SMIM41: variants seen among roughly 807,000 people sequenced by gnomAD.
The protein encoded by SMIM41 is small integral membrane protein 41.
chr12:52,105,837 G>C (rs1220895894), intron 2 of SMIM41, among the ~76,000 whole-genome samples: 1 of 152,156 alleles, frequency 6.6e-6, no homozygotes, highest in East Asian at 1.9e-4. Flanking sequence ...CTGGGACTTA[G>C]AGTCTGGCCA....
intron 2 of SMIM41, among the ~76,000 whole-genome samples, chr12:52,106,279 T>A (rs1940337293): frequency 6.6e-6 from 1 of 152,234 alleles, no homozygotes; most frequent in Non-Finnish European, 1.5e-5. Context: ...AATTATTGAA[T>A]TGACACTTCC....
rs1270540260 is a variant in SMIM41, at chr12:52,083,926, GAGA to G, written c.*160_*162del. 1.3e-5 allele frequency: 2 copies of G among 151,568 alleles called. No individual in the cohort carries two copies. Among genetic ancestry groups the G allele is most frequent in the East Asian group, 1.9e-4 (1 of 5,200 alleles). The allele number at this position is 151,568 out of a possible 1,614,324, so 9.4% of individuals were successfully genotyped here. On this transcript the variant is annotated 3_prime_UTR_variant, in exon 2 of 3. Coordinates refer to ENST00000546390, the MANE Select transcript of SMIM41 (RefSeq NM_001369216.1). ...AAGAAGAGAAGAGGAGAGGAGAGAA[GAGA>G]AGAAGAGAGGAGAGAAGAGAAGAGG...
intron 2 of SMIM41, among the ~76,000 whole-genome samples, chr12:52,086,770 C>T (rs571200974): frequency 1.3e-5 from 2 of 152,360 alleles, no homozygotes; most frequent in East Asian, 3.9e-4. Flanking sequence ...ACCTCTTTTA[C>T]CTCTGCTTCC....
intron 2 of SMIM41, among the ~76,000 whole-genome samples, chr12:52,103,282 G>T (rs753773054): frequency 7.4e-5 from 11 of 149,542 alleles, no homozygotes; most frequent in Non-Finnish European, 1.5e-4. Context: ...AGCCCAGATT[G>T]TGCCACTGCA....
intron 2 of SMIM41, among the ~76,000 whole-genome samples, chr12:52,093,088 C>T (rs1351105418): frequency 6.6e-6 from 1 of 152,112 alleles, no homozygotes; most frequent in African/African-American, 2.4e-5. Flanking sequence ...GTCCCAGCTA[C>T]TCGAGAGGTT....
rs1417740133 is a variant in SMIM41 at position 52,095,320 on chromosome 12, G to T, written c.*195+11352G>T. The stretch of plus-strand genomic sequence containing the variant: ...ATATTACGATCCACATCGCAGGGGG[G>T]CGGGCGCCCCCCGCGATTCGGGGAG... On this transcript the variant is annotated intron_variant, in intron 2 of 2. Coordinates refer to ENST00000546390, the MANE Select transcript of SMIM41 (RefSeq NM_001369216.1). Among the ~76,000 whole-genome samples the T allele has an allele frequency of 2.7e-5, 4 of 150,312 alleles. No individual in the cohort carries two copies. In the East Asian group the frequency reaches 7.9e-4, roughly 30 times the overall value.
chr12:52,089,375 A>G (rs1939944929), intron 2 of SMIM41, among the ~76,000 whole-genome samples: 1 of 152,032 alleles, frequency 6.6e-6, no homozygotes, highest in Non-Finnish European at 1.5e-5. Context: ...TAGGAGGATC[A>G]CTTGAGTGCA....
At chr12:52,089,741 C>A (rs1939963343) in intron 2 of SMIM41, among the ~76,000 whole-genome samples, 1 of 152,262 alleles carries the variant, frequency 6.6e-6, no homozygotes, top group Non-Finnish European at 1.5e-5. Flanking sequence ...CACAGCCCAG[C>A]TCTGTCCCAT....
At chr12:52,097,130 A>G (rs1184398767) in intron 2 of SMIM41, among the ~76,000 whole-genome samples, 4 of 152,150 alleles carry the variant, frequency 2.6e-5, no homozygotes, top group Middle Eastern at 3.4e-3. Flanking sequence ...GACTCACACT[A>G]TGGCAGGGGG....
At chr12:52,096,687 G>A (rs7303732) in intron 2 of SMIM41, among the ~76,000 whole-genome samples, 19,560 of 151,388 alleles carry the variant, frequency 0.13, 2,906 homozygotes, top group African/African-American at 0.37. Flanking sequence ...TATTGTTATC[G>A]TCAGTATAAC....
At chr12:52,091,798 T>G (rs1940009012) in intron 2 of SMIM41, among the ~76,000 whole-genome samples, 1 of 152,182 alleles carries the variant, frequency 6.6e-6, no homozygotes, top group African/African-American at 2.4e-5. Context: ...GGAGGCACAT[T>G]GGAGTTGGTC....
At chr12:52,083,209 C>T (rs182686023) in intron 1 of SMIM41, among the ~76,000 whole-genome samples, 20 of 152,286 alleles carry the variant, frequency 1.3e-4, no homozygotes, top group Admixed American at 2.6e-4. Context: ...ATGAGTGCAG[C>T]GCCTGTACTG....
chr12:52,104,675 G>T (rs1046693083), intron 2 of SMIM41, among the ~76,000 whole-genome samples: 2 of 111,370 alleles, frequency 1.8e-5, no homozygotes, highest in South Asian at 2.4e-4. Context: ...GTTATGGTCG[G>T]GGGGGGGCGG....
rs556791760 is a variant in SMIM41, at chr12:52,092,955, G to A, written c.*195+8987G>A. Among the ~76,000 whole-genome samples, 12 of 152,292 alleles carry A rather than the reference G, an allele frequency of 7.9e-5. No homozygotes were observed. The East Asian group carries it at 2.3e-3, about 29-fold the overall frequency. ...CCAGCACTTTGGTAGGTCGAGGCGGGCAGATCACGAGGTCAGGATATCGAG... is the reference window on the plus strand; with the variant it reads ...CCAGCACTTTGGTAGGTCGAGGCGGACAGATCACGAGGTCAGGATATCGAG... On this transcript the variant is annotated intron_variant, in intron 2 of 2. Transcript: ENST00000546390.
chr12:52,108,077 T>G lies in SMIM41; in HGVS notation c.*894T>G, dbSNP rs556041680. ...CCACCTGTGGGTCTCACCTGTCAGT[T>G]GTTTGCTGATTTTATGGAAGAGGTG... On this transcript the variant is annotated 3_prime_UTR_variant, in exon 3 of 3. Transcript: ENST00000546390. 1 of 216,524 alleles carries G rather than the reference T, an allele frequency of 4.6e-6. No individual in the cohort carries two copies. Among genetic ancestry groups the G allele is most frequent in the Non-Finnish European group, 9.3e-6 (1 of 108,046 alleles). 13.4% of individuals were successfully genotyped at this position (216,524 alleles called of 1,614,324 possible).
chr12:52,093,940 G>A (rs972028136), intron 2 of SMIM41, among the ~76,000 whole-genome samples: 7 of 151,988 alleles, frequency 4.6e-5, no homozygotes, highest in Admixed American at 1.3e-4. Context: ...AGAACAGCCT[G>A]GCCAACATGG....
chr12:52,099,509 G>A (rs1940171945), intron 2 of SMIM41, among the ~76,000 whole-genome samples: 1 of 151,936 alleles, frequency 6.6e-6, no homozygotes, highest in South Asian at 2.1e-4. Flanking sequence ...ACAGTATCAC[G>A]GGGTGGGGGG....
chr12:52,101,969 T>C (rs1042890763), intron 2 of SMIM41, among the ~76,000 whole-genome samples: 1 of 152,208 alleles, frequency 6.6e-6, no homozygotes, highest in African/African-American at 2.4e-5. Flanking sequence ...CACCTCGGCC[T>C]CCCAAAGTGC....
At chr12:52,090,056 G>GTTGT (rs367626341) in intron 2 of SMIM41, among the ~76,000 whole-genome samples, 9,086 of 151,432 alleles carry the variant, frequency 0.06, 906 homozygotes, top group African/African-American at 0.21. Flanking sequence ...CCAAGAAGGT[G>GTTGT]TTGTTTGTTT....
Sources: allele counts gnomAD v4.1 joint callset (sites outside exome capture counted in the v4.1 genomes callset), GRCh38; gene constraint gnomAD v4.1.1; transcripts MANE v1.5; gene names NCBI Gene and HGNC (gene_info 2026-07-23, HGNC 2026-07-21).